F11R: variants seen among roughly 807,000 people sequenced by gnomAD.
F11R encodes the protein junctional adhesion molecule A.
F11R carries 27 observed loss-of-function variants against 39.3 expected under a neutral mutation model. That is an observed-to-expected ratio of 0.69 (90% confidence interval 0.51 to 0.95). F11R has a LOEUF of 0.95. F11R is among the 40% of genes least tolerant of loss of function. The pLI is 0.00. For synonymous variants in F11R, 131 were observed against 144.9 expected, an observed-to-expected ratio of 0.90 and a Z score of 0.69; for missense variants, 335 against 372.7, an observed-to-expected ratio of 0.90 and a Z score of 0.83.
chr1:161,004,618 A>C (rs1223926381), intron 1 of F11R, among the ~76,000 whole-genome samples: 1 of 152,086 alleles, frequency 6.6e-6, no homozygotes, highest in Non-Finnish European at 1.5e-5. Context: ...CTGAGGCAAA[A>C]GGACTACTTA....
At chr1:161,005,167 A>AAATAAT (rs71090350) in intron 1 of F11R, among the ~76,000 whole-genome samples, 18,768 of 145,008 alleles carry the variant, frequency 0.13, 1,407 homozygotes, top group South Asian at 0.21. Context: ...CTCAAAAATA[A>AAATAAT]AATAATAATA....
At chr1:161,002,925 C>CTTTTT (rs3052469) in intron 1 of F11R, among the ~76,000 whole-genome samples, 9 of 148,246 alleles carry the variant, frequency 6.1e-5, no homozygotes, top group Admixed American at 2.0e-4. Context: ...CTCCTATATC[C>CTTTTT]TTTTTCTCTT....
At chr1:161,015,402 AAAAAAATAT>A (rs982948369) in intron 1 of F11R, among the ~76,000 whole-genome samples, 16 of 130,142 alleles carry the variant, frequency 1.2e-4, no homozygotes, top group African/African-American at 4.8e-4. Context: ...CATCTCAAAA[AAAAAAATAT>A]ATATATATAT....
chr1:161,005,798 C>A (rs1449187191), intron 1 of F11R, among the ~76,000 whole-genome samples: 1 of 152,086 alleles, frequency 6.6e-6, no homozygotes, highest in African/African-American at 2.4e-5. Flanking sequence ...GGATTACAGG[C>A]GTGAGCCACC....
At position 160,999,026 on chromosome 1, in the gene F11R, A is replaced by T; in HGVS notation, c.864+17T>A. 6.2e-7 allele frequency: 1 copy of T among 1,614,206 alleles called. No individual in the cohort carries two copies. Among genetic ancestry groups the T allele is most frequent in the Non-Finnish European group, 8.5e-7 (1 of 1,180,012 alleles). ...AGCCCCAGGTGGCCCACCCCTGCCC[A>T]GGGGAGGCATACTCACTTCACTTCG... On this transcript the variant is annotated intron_variant, in intron 9 of 9. Transcript: ENST00000368026.
At chr1:161,001,478 T>G in intron 1 of F11R, 125 bp from the exon 2 acceptor site, 3 of 735,364 alleles carry the variant, frequency 4.1e-6, no homozygotes, top group Non-Finnish European at 6.8e-6. Flanking sequence ...GATTCCAGAC[T>G]TATGCTCCCT....
chr1:161,000,217 G>C lies in F11R; in HGVS notation c.520C>G (p.Pro174Ala), dbSNP rs759546475. ...GCACGGGTGCTTTTGGGATTCGTAG[G>C]CATCACTATCCCATCTTTGAACCAG... ...YTWFKDGIVMPTNPKSTRAFS... is the reference protein window; with the variant it reads ...YTWFKDGIVMATNPKSTRAFS... Residue 174 changes from proline to alanine, a missense_variant, in exon 5 of 10, where the codon CCT becomes GCT. Physicochemically the swap from Pro to Ala is conservative, Grantham distance 27. Transcript: ENST00000368026. The C allele has an allele frequency of 5.6e-6, 9 of 1,614,118 alleles. No homozygotes were observed. Among genetic ancestry groups the C allele is most frequent in the Non-Finnish European group, 7.6e-6 (9 of 1,180,026 alleles).
chr1:161,013,287 C>A (rs1217404669), intron 1 of F11R, among the ~76,000 whole-genome samples: 1 of 152,188 alleles, frequency 6.6e-6, no homozygotes, highest in African/African-American at 2.4e-5. Context: ...TGGAGCCCTG[C>A]AATAGGAAGG....
At chr1:161,001,418 C>A in intron 1 of F11R, 65 bp from the exon 2 acceptor site, 1 of 1,428,224 alleles carries the variant, frequency 7.0e-7, no homozygotes. Context: ...AAGAAGGAGT[C>A]ACAGACCCAG....
chr1:161,020,773 C>T (rs979691383), intron 1 of F11R, among the ~76,000 whole-genome samples: 6 of 152,144 alleles, frequency 3.9e-5, no homozygotes, highest in African/African-American at 1.4e-4. Context: ...TCAGCTCCCT[C>T]CTGGTGGCCG....
intron 1 of F11R, among the ~76,000 whole-genome samples, chr1:161,013,570 G>A (rs377418321): frequency 1.3e-5 from 2 of 152,200 alleles, no homozygotes; most frequent in Admixed American, 6.5e-5. Context: ...ATGGGCCAGG[G>A]AAGTTCCACA....
At position 161,001,078 on chromosome 1, in the gene F11R, C is replaced by T. The variant is rs368336589; in HGVS notation, c.183G>A (p.Glu61=). Residue 61 remains glutamate, a synonymous_variant, in exon 3 of 10, where the codon GAG becomes GAA. Coordinates refer to ENST00000368026, the MANE Select transcript of F11R (RefSeq NM_016946.6). ...TGGTGTCTCCTTGGTCAAACTTCCA[C>T]TCCACACGGGGAGAAGAAAAGCCCG... ...AYSGFSSPRV[E]WKFDQGDTTR... 8.7e-6 allele frequency: 14 copies of T among 1,614,038 alleles called. No individual in the cohort carries two copies. Among genetic ancestry groups the T allele is most frequent in the East Asian group, 2.2e-5 (1 of 44,898 alleles).
chr1:161,013,264 G>T (rs1274940693), intron 1 of F11R, among the ~76,000 whole-genome samples: 1 of 152,160 alleles, frequency 6.6e-6, no homozygotes, highest in African/African-American at 2.4e-5. Flanking sequence ...AGACCCCCCA[G>T]TTGCCAGGGA....
chr1:161,008,161 A>G (rs564842397), intron 1 of F11R, among the ~76,000 whole-genome samples: 74 of 140,896 alleles, frequency 5.3e-4, no homozygotes, highest in African/African-American at 1.7e-3. Flanking sequence ...AAAGGCATCA[A>G]TAGATTTTGG....
intron 1 of F11R, among the ~76,000 whole-genome samples, chr1:161,004,698 CAG>C (rs1267127715): frequency 6.6e-6 from 1 of 151,622 alleles, no homozygotes; most frequent in Admixed American, 6.6e-5. Context: ...GCCTGGGTGA[CAG>C]AGCAAGACCC....
At chr1:161,004,431 G>A (rs1648684497) in intron 1 of F11R, among the ~76,000 whole-genome samples, 2 of 151,804 alleles carry the variant, frequency 1.3e-5, no homozygotes, top group African/African-American at 4.8e-5. Flanking sequence ...GTGGTGGCGC[G>A]TGCTACCTGG....
chr1:161,005,167 AAAT>A lies in F11R; in HGVS notation c.65-3817_65-3815del, dbSNP rs71090350. 6.8e-3 allele frequency among the ~76,000 whole-genome samples: 988 copies of A among 145,134 alleles called. 1 individual carries two copies. The highest frequency in any genetic ancestry group is 0.014 in the Middle Eastern group (4 of 278). ...AGAGCAAGACTCTGTCTCAAAAATA[AAAT>A]AATAATAATAATAATAATAATAATA... is the stretch of plus-strand genomic sequence containing the variant. On this transcript the variant is annotated intron_variant, in intron 1 of 9. Transcript: ENST00000368026.
chr1:161,014,286 T>C (rs1649329109), intron 1 of F11R, among the ~76,000 whole-genome samples: 1 of 152,206 alleles, frequency 6.6e-6, no homozygotes, highest in Non-Finnish European at 1.5e-5. Context: ...GGCATTTAAA[T>C]CTATTTTTGG....
intron 1 of F11R, among the ~76,000 whole-genome samples, chr1:161,013,729 C>T (rs548925325): frequency 6.6e-6 from 1 of 152,340 alleles, no homozygotes; most frequent in South Asian, 2.1e-4. Flanking sequence ...GGCTCGGGTC[C>T]TCTGAGGATG....
Sources: allele counts gnomAD v4.1 joint callset (sites outside exome capture counted in the v4.1 genomes callset), GRCh38; gene constraint gnomAD v4.1.1; transcripts MANE v1.5; gene names NCBI Gene and HGNC (gene_info 2026-07-23, HGNC 2026-07-21).